CNDP1: variants seen among roughly 807,000 people sequenced by gnomAD.
CNDP1 encodes beta-Ala-His dipeptidase.
Under a neutral mutation model 58.1 loss-of-function variants are expected in CNDP1, and 44 were observed. That is an observed-to-expected ratio of 0.76 (90% CI 0.60 to 0.97). The LOEUF is 0.97. Among genes scored for constraint, CNDP1 ranks in the 50% least tolerant of loss-of-function variants. The pLI is 0.00. For missense variants in CNDP1, 616 were observed against 655.1 expected (o/e 0.94, Z 0.65); for synonymous variants, 254 against 252.6 (o/e 1.01, Z -0.05).
chr18:74,574,158 C>T (rs1012074917), intron 7 of CNDP1, among the ~76,000 whole-genome samples: 13 of 152,338 alleles, frequency 8.5e-5, no homozygotes, highest in African/African-American at 2.2e-4. Context: ...TGGGAATCCA[C>T]GGGCAGCCCT....
chr18:74,546,290 G>A (rs954576533), intron 1 of CNDP1, among the ~76,000 whole-genome samples: 8 of 152,110 alleles, frequency 5.3e-5, no homozygotes, highest in Non-Finnish European at 8.8e-5. Context: ...GTCTGAAGGC[G>A]CATTGTTCCC....
chr18:74,573,025 T>C (rs1390299205), intron 7 of CNDP1, among the ~76,000 whole-genome samples: 1 of 152,110 alleles, frequency 6.6e-6, no homozygotes. Context: ...TCCTTCATTC[T>C]CCCAAACTGA....
intron 7 of CNDP1, among the ~76,000 whole-genome samples, chr18:74,575,101 A>AAAGGAAGGAAAG: frequency 1.4e-5 from 2 of 142,346 alleles, no homozygotes; most frequent in South Asian, 4.5e-4. Context: ...AGGAAAGAAA[A>AAAGGAAGGAAAG]AAGAAGGAAA....
intron 1 of CNDP1, among the ~76,000 whole-genome samples, chr18:74,541,779 A>G (rs957165968): frequency 8.5e-5 from 13 of 152,110 alleles, no homozygotes; most frequent in Non-Finnish European, 1.8e-4. Flanking sequence ...CAGTGTTCCA[A>G]TTCTCAATTG....
intron 7 of CNDP1, among the ~76,000 whole-genome samples, chr18:74,572,228 G>A (rs531908531): frequency 5.9e-5 from 9 of 152,040 alleles, no homozygotes; most frequent in South Asian, 4.2e-4. Flanking sequence ...TGTTTTTCTC[G>A]GGGAGCCTGT....
At position 74,580,213 on chromosome 18, in the gene CNDP1, G is replaced by A. The variant is rs746119649; in HGVS notation, c.1251G>A (p.Pro417=). 7.3e-5 allele frequency: 118 copies of A among 1,614,124 alleles called. No individual in the cohort carries two copies. The highest frequency in any genetic ancestry group is 3.8e-4 in the East Asian group (17 of 44,880). Residue 417 remains proline (P), a synonymous_variant, in exon 10 of 12, where the codon CCG becomes CCA. Transcript: ENST00000358821. ...MVVSMTLGLH[P]WIANIDDTQY... is the part of the protein sequence containing the mutation. Reference sequence around the variant, plus strand: ...TTTCCATGACTCTAGGACTACACCCGTGGATTGCAAATATTGATGACACCC... The same window carrying A: ...TTTCCATGACTCTAGGACTACACCCATGGATTGCAAATATTGATGACACCC...
At chr18:74,550,800 C>T (rs1980885710) in intron 1 of CNDP1, among the ~76,000 whole-genome samples, 1 of 151,528 alleles carries the variant, frequency 6.6e-6, no homozygotes, top group Non-Finnish European at 1.5e-5. Flanking sequence ...CGGGGTTTCA[C>T]CATGTTAGCC....
chr18:74,562,928 G>A (rs1406513147), intron 5 of CNDP1, among the ~76,000 whole-genome samples: 1 of 152,154 alleles, frequency 6.6e-6, no homozygotes, highest in East Asian at 1.9e-4. Context: ...CTCGGAATCT[G>A]TTCTGTGAAA....
At chr18:74,578,979 G>A (rs1291914459) in intron 9 of CNDP1, among the ~76,000 whole-genome samples, 1 of 152,130 alleles carries the variant, frequency 6.6e-6, no homozygotes, top group Non-Finnish European at 1.5e-5. Context: ...GAATGAATGA[G>A]CTAAAGAAAT....
At chr18:74,575,286 C>T (rs1233199046) in intron 7 of CNDP1, among the ~76,000 whole-genome samples, 1 of 152,156 alleles carries the variant, frequency 6.6e-6, no homozygotes, top group Non-Finnish European at 1.5e-5. Flanking sequence ...AGAACAGAGG[C>T]CTGGATCGTT....
intron 1 of CNDP1, among the ~76,000 whole-genome samples, chr18:74,547,587 T>A (rs576576512): frequency 1.3e-5 from 2 of 152,302 alleles, no homozygotes; most frequent in Admixed American, 1.3e-4. Context: ...CATTAAAGTA[T>A]CCCAGGCCAC....
chr18:74,555,173 T>C (rs1981005772), intron 1 of CNDP1, among the ~76,000 whole-genome samples: 1 of 152,076 alleles, frequency 6.6e-6, no homozygotes, highest in Non-Finnish European at 1.5e-5. Context: ...TTTAAAACAA[T>C]AAAAGATGGG....
At chr18:74,575,137 AAAG>A (rs1262434326) in intron 7 of CNDP1, among the ~76,000 whole-genome samples, 1 of 151,488 alleles carries the variant, frequency 6.6e-6, no homozygotes, top group African/African-American at 2.4e-5. Flanking sequence ...AAGAAAAAAG[AAAG>A]AAGAAAGAAA....
In CNDP1 at chr18:74,576,903, C is replaced by A; in HGVS notation, c.876C>A (p.Val292=). 6.2e-7 allele frequency: 1 copy of A among 1,613,032 alleles called. No individual in the cohort carries two copies. The highest frequency in any genetic ancestry group is 8.5e-7 in the Non-Finnish European group (1 of 1,179,572). Residue 292 remains valine, a synonymous_variant, in exon 8 of 12, where the codon GTC becomes GTA. Transcript: ENST00000358821. The stretch of plus-strand genomic sequence containing the variant: ...TAGACTCGTCTGGTCATATCCTGGT[C>A]CCTGGAATCTATGATGAAGTGGTTC... ...SLVDSSGHIL[V]PGIYDEVVPL...
chr18:74,554,480 C>G (rs1027233910), intron 1 of CNDP1, among the ~76,000 whole-genome samples: 2 of 152,218 alleles, frequency 1.3e-5, no homozygotes, highest in African/African-American at 4.8e-5. Flanking sequence ...AGACAGAACA[C>G]AGCTCCCTGT....
intron 7 of CNDP1, among the ~76,000 whole-genome samples, chr18:74,574,304 T>A (rs1981573654): frequency 6.6e-6 from 1 of 152,250 alleles, no homozygotes. Flanking sequence ...TAGTTCCCTG[T>A]CTGAAAAGGG....
At chr18:74,554,604 A>G (rs1195098424) in intron 1 of CNDP1, among the ~76,000 whole-genome samples, 1 of 152,166 alleles carries the variant, frequency 6.6e-6, no homozygotes, top group African/African-American at 2.4e-5. Context: ...GGGCAGGAGC[A>G]TGGAGGAAGA....
chr18:74,534,845 G>A (rs1284799064), intron 1 of CNDP1, among the ~76,000 whole-genome samples, 154 bp downstream of exon 1: 1 of 152,244 alleles, frequency 6.6e-6, no homozygotes, highest in African/African-American at 2.4e-5. Context: ...TGTCTTGGCC[G>A]AGGAATGTGG....
intron 1 of CNDP1, among the ~76,000 whole-genome samples, chr18:74,540,157 C>CTTT (rs34321505): frequency 5.9e-5 from 8 of 135,254 alleles, no homozygotes; most frequent in South Asian, 2.4e-4. Context: ...TGGTATAAAT[C>CTTT]TTTTTTTTTT....
Sources: allele counts gnomAD v4.1 joint callset (sites outside exome capture counted in the v4.1 genomes callset), GRCh38; gene constraint gnomAD v4.1.1; transcripts MANE v1.5; gene names NCBI Gene and HGNC (gene_info 2026-07-23, HGNC 2026-07-21).